AKAP1: variants seen among roughly 807,000 people sequenced by gnomAD.
AKAP1 encodes A-kinase anchor protein 1, mitochondrial.
In AKAP1, 32 loss-of-function variants were observed where a neutral mutation model predicts 79.8. The observed-to-expected ratio is 0.40, with a 90% CI of 0.30 to 0.54. The LOEUF (loss-of-function observed/expected upper bound fraction) is 0.54. AKAP1 is among the 20% of genes least tolerant of loss of function. The probability of loss-of-function intolerance (pLI) is 0.47; values close to 1 mark genes in which losing one functional copy is unlikely to be tolerated. For synonymous variants in AKAP1, 416 were observed against 466.7 expected, an observed-to-expected ratio of 0.89 and a Z score of 1.40; for missense variants, 961 against 1,138.9, an observed-to-expected ratio of 0.84 and a Z score of 2.25.
At position 57,106,055 on chromosome 17, in the gene AKAP1, A is replaced by G; in HGVS notation, c.591A>G (p.Arg197=). 1 of 1,611,396 alleles carries G rather than the reference A, an allele frequency of 6.2e-7. No homozygotes were observed. Among genetic ancestry groups the G allele is most frequent in the Non-Finnish European group, 8.5e-7 (1 of 1,178,566 alleles). The change falls in exon 2 of 11, where the codon AGA becomes AGG. Residue 197 remains arginine (R), a synonymous_variant. Transcript: ENST00000337714. The part of the protein sequence containing the change: ...AEKRSSGERA[R]ETGGAEGTGD... ...AGCGTAGCTCTGGGGAGAGGGCAAG[A>G]GAGACAGGTGGGGCCGAAGGGACTG...
chr17:57,095,637 G>C (rs1380394070), intron 1 of AKAP1: 4 of 151,994 alleles, frequency 2.6e-5, no homozygotes, highest in Non-Finnish European at 2.9e-5. Context: ...TGTGATTTCT[G>C]GGGTGGTCGT....
intron 1 of AKAP1, among the ~76,000 whole-genome samples, chr17:57,089,138 A>T (rs1913629794): frequency 6.6e-6 from 1 of 152,210 alleles, no homozygotes; most frequent in Non-Finnish European, 1.5e-5. Context: ...AGTGGCTAAA[A>T]GAGGTTTGGT....
chr17:57,096,868 G>C (rs897208970), intron 1 of AKAP1: 1 of 152,270 alleles, frequency 6.6e-6, no homozygotes, highest in Non-Finnish European at 1.5e-5. Flanking sequence ...GCCAGCTGCA[G>C]GTGGAGAGTT....
chr17:57,108,162 T>C (rs1915014299), intron 2 of AKAP1: 1 of 443,288 alleles, frequency 2.3e-6, no homozygotes, highest in Non-Finnish European at 3.4e-6. Context: ...CCTGGAGCCA[T>C]TCCCTCCCAT....
chr17:57,115,479 C>T (rs960525909), intron 6 of AKAP1, among the ~76,000 whole-genome samples: 1 of 152,188 alleles, frequency 6.6e-6, no homozygotes, highest in Non-Finnish European at 1.5e-5. Flanking sequence ...TCCTGGCCAG[C>T]GTGGGCAGCT....
chr17:57,113,307 C>T (rs985983802), intron 5 of AKAP1, among the ~76,000 whole-genome samples: 6 of 152,300 alleles, frequency 3.9e-5, no homozygotes, highest in African/African-American at 1.4e-4. Flanking sequence ...TTGCAGAATT[C>T]TGTGGGCCAA....
intron 1 of AKAP1, among the ~76,000 whole-genome samples, chr17:57,087,742 G>T (rs953419276): frequency 6.6e-6 from 1 of 152,170 alleles, no homozygotes; most frequent in Admixed American, 6.5e-5. Flanking sequence ...CCAGAAGCTT[G>T]TTTGGGAGGA....
rs2144603501 is a variant in AKAP1, at chr17:57,086,231, G to C, written c.-25+833G>C. 3.0e-6 allele frequency: 1 copy of C among 328,694 alleles called. No homozygotes were observed. 20.4% of individuals were successfully genotyped at this position (328,694 alleles called of 1,614,324 possible). On this transcript the variant is annotated intron_variant, in intron 1 of 10. Transcript: ENST00000337714. The surrounding 1 kb of genome is among the most constrained non-coding windows in gnomAD (Gnocchi z 5.1). ...CGGCCCCGCCTGCGGCCCAGGGCCC[G>C]GGGTCTGCGATCTGGAGGGACCGCG...
Position 57,111,806 on chromosome 17 carries a change from C to T in AKAP1, c.1857C>T (p.Val619=), listed in dbSNP as rs750570440. ...TTTTGTCTTTCTGGAAGCACTTAGT[C>T]GGTCGGCTAATTGGCAAGCAGGGGC... The part of the protein sequence containing the change: ...IWEIEVPKHL[V]GRLIGKQGRY... Residue 619 remains valine, a synonymous_variant, in exon 4 of 11, where the codon GTC becomes GTT. Transcript: ENST00000337714. 28 of 1,614,030 alleles carry T rather than the reference C, an allele frequency of 1.7e-5. No individual in the cohort carries two copies. Among genetic ancestry groups the T allele is most frequent in the South Asian group, 2.2e-5 (2 of 91,070 alleles).
At chr17:57,112,713 A>C in intron 5 of AKAP1, 95 bp downstream of exon 5, 1 of 1,469,070 alleles carries the variant, frequency 6.8e-7, no homozygotes. Context: ...AAGAAGGCCA[A>C]GTGCACATGA....
chr17:57,119,830 C>CTTTTTTTTTTTTTTGTTTT (rs1915812220), intron 10 of AKAP1, among the ~76,000 whole-genome samples: 1 of 70,290 alleles, frequency 1.4e-5, no homozygotes, highest in Non-Finnish European at 2.5e-5. Context: ...CCCTGTTACT[C>CTTTTTTTTTTTTTTGTTTT]TTTTTTTTTT....
rs200438097 is a variant in AKAP1, at chr17:57,106,280, C to T, written c.816C>T (p.Ile272=). The change falls in exon 2 of 11, where the codon ATC becomes ATT. Residue 272 remains isoleucine (I), a synonymous_variant. Coordinates refer to ENST00000337714, the MANE Select transcript of AKAP1 (RefSeq NM_003488.4). ...YVAEKLPSRF[I]ESAHTELAKD... ...CAGAGAAGTTGCCAAGTAGGTTCAT[C>T]GAGTCGGCTCACACAGAGCTGGCAA... The T allele has an allele frequency of 6.4e-5, 104 of 1,614,020 alleles. No homozygotes were observed. The highest frequency in any genetic ancestry group is 3.3e-4 in the Middle Eastern group (2 of 6,084).
At chr17:57,098,290 A>G (rs1057224099) in intron 1 of AKAP1, 4 of 152,230 alleles carry the variant, frequency 2.6e-5, no homozygotes, top group South Asian at 2.1e-4. Context: ...ATTCAAAATG[A>G]CAGAGTGTCC....
Position 57,111,927 on chromosome 17 carries a change from C to T in AKAP1, c.1975+3C>T. On this transcript the variant is annotated splice_donor_region_variant and intron_variant, in intron 4 of 10. Coordinates refer to ENST00000337714, the MANE Select transcript of AKAP1 (RefSeq NM_003488.4). ...CGTCCAGATCTGCCACATAGAAGGT[C>T]AGTAACATCTGCTGCTTGTATTGCC... 6.2e-7 allele frequency: 1 copy of T among 1,611,286 alleles called. No homozygotes were observed. The highest frequency in any genetic ancestry group is 8.5e-7 in the Non-Finnish European group (1 of 1,178,008).
chr17:57,116,293 C>T, intron 7 of AKAP1, 32 bp downstream of exon 7: 1 of 1,612,842 alleles, frequency 6.2e-7, no homozygotes, highest in Non-Finnish European at 8.5e-7. Context: ...AGGCCTACGC[C>T]CTGCTTGTTC....
intron 2 of AKAP1, among the ~76,000 whole-genome samples, chr17:57,109,664 A>G (rs892043994): frequency 1.1e-4 from 17 of 152,136 alleles, no homozygotes; most frequent in African/African-American, 4.1e-4. Context: ...TCTCAGGACC[A>G]TGTGGACCTC....
chr17:57,094,418 G>A (rs114568158), intron 1 of AKAP1: 2,424 of 152,324 alleles, frequency 0.016, 73 homozygotes, highest in African/African-American at 0.056. Flanking sequence ...GATCCATGCA[G>A]GGACAGGCAC....
Position 57,110,301 on chromosome 17 carries a change from A to G in AKAP1, c.1848+143A>G, listed in dbSNP as rs2071712546. On this transcript the variant is annotated intron_variant, in intron 3 of 10. Transcript: ENST00000337714. Reference sequence around the variant, plus strand: ...CTGGGTCAGCCAAAGGCCGCAGGGAAAGGACACGCTACACTTTGCCAAGGC... The same window carrying G: ...CTGGGTCAGCCAAAGGCCGCAGGGAGAGGACACGCTACACTTTGCCAAGGC... 4 of 1,141,672 alleles carry G rather than the reference A, an allele frequency of 3.5e-6. No homozygotes were observed. The Admixed American group carries it at 1.0e-4, about 29-fold the overall frequency. 70.7% of individuals were successfully genotyped at this position (1,141,672 alleles called of 1,614,324 possible).
chr17:57,086,375 A>G lies in AKAP1; in HGVS notation c.-25+977A>G, dbSNP rs916561930. ...AGGTCTTCCTGTTTCCCTTCCAGGGAGGGATAGGAGAAGAAAGGTGCTGAT... is the reference window on the plus strand; with the variant it reads ...AGGTCTTCCTGTTTCCCTTCCAGGGGGGGATAGGAGAAGAAAGGTGCTGAT... On this transcript the variant is annotated intron_variant, in intron 1 of 10. Coordinates refer to ENST00000337714, the MANE Select transcript of AKAP1 (RefSeq NM_003488.4). This position sits in a 1 kb window ranked among gnomAD's most constrained non-coding sequence, Gnocchi z 5.1. 2.2e-6 allele frequency: 1 copy of G among 452,790 alleles called. No individual in the cohort carries two copies. Among genetic ancestry groups the G allele is most frequent in the South Asian group, 1.6e-5 (1 of 64,322 alleles). The allele number at this position is 452,790 out of a possible 1,614,324, so 28.0% of individuals were successfully genotyped here. A position where few individuals can be genotyped will look rare whatever the true frequency, so the allele number is the denominator to read the frequency against.
Sources: gnomAD v4.1 joint callset for allele counts (sites outside exome capture counted in the v4.1 genomes callset) on GRCh38, gnomAD v4.1.1 for gene constraint, Gnocchi (gnomAD v3.1) non-coding constraint, MANE v1.5 for transcripts, NCBI Gene and HGNC (gene_info 2026-07-23, HGNC 2026-07-21) for gene names.